The following MINDY4 variants were observed in gnomAD, a reference collection of about 807,000 sequenced individuals.
MINDY4 encodes probable ubiquitin carboxyl-terminal hydrolase MINDY-4.
Under a neutral mutation model 87.0 loss-of-function variants are expected in MINDY4, and 68 were observed. The ratio of observed to expected loss-of-function variants is 0.78; its 90% confidence interval spans 0.64 to 0.96. The LOEUF (loss-of-function observed/expected upper bound fraction) is 0.96, where lower values mean the gene tolerates loss of function less well. Ranked by LOEUF, MINDY4 falls within the 40% of genes least tolerant of loss-of-function variation. The probability of loss-of-function intolerance (pLI) is 0.00; values close to 1 mark genes in which losing one functional copy is unlikely to be tolerated. For missense variants in MINDY4, 919 were observed against 928.2 expected (o/e 0.99, Z 0.13); for synonymous variants, 379 against 363.2 (o/e 1.04, Z -0.50).
rs563801748 is a variant in MINDY4 at position 30,888,099 on chromosome 7, A to G, written c.2226-3858A>G. Among the ~76,000 whole-genome samples, 178 of 152,250 alleles carry G rather than the reference A, an allele frequency of 1.2e-3. 1 individual carries two copies. The highest frequency in any genetic ancestry group is 3.8e-3 in the African/African-American group (156 of 41,538). ...TCTATCAGGCACCTTTTTCCCCATGAAAAACACTGGGTCCATCAACGTTGA... is the reference window on the plus strand; with the variant it reads ...TCTATCAGGCACCTTTTTCCCCATGGAAAACACTGGGTCCATCAACGTTGA... On this transcript the variant is annotated intron_variant, in intron 17 of 17. Transcript: ENST00000265299.
intron 5 of MINDY4, among the ~76,000 whole-genome samples, chr7:30,806,158 A>T (rs1562536875): frequency 1.3e-5 from 2 of 152,188 alleles, no homozygotes; most frequent in Non-Finnish European, 2.9e-5. Context: ...TTGTTCAGTT[A>T]TTGAGATCTG....
intron 11 of MINDY4, among the ~76,000 whole-genome samples, chr7:30,852,718 A>G (rs1789451104): frequency 6.6e-6 from 1 of 152,246 alleles, no homozygotes; most frequent in Non-Finnish European, 1.5e-5. Flanking sequence ...GATCTAAGTC[A>G]TACACAATCG....
intron 5 of MINDY4, among the ~76,000 whole-genome samples, chr7:30,804,701 C>A (rs1746976888): frequency 6.6e-6 from 1 of 152,206 alleles, no homozygotes; most frequent in Non-Finnish European, 1.5e-5. Flanking sequence ...ATCCTGACAG[C>A]AACTTTACAT....
chr7:30,854,231 T>A (rs79987856), intron 12 of MINDY4, among the ~76,000 whole-genome samples: 4,493 of 152,336 alleles, frequency 0.029, 113 homozygotes, highest in East Asian at 0.11. Flanking sequence ...TGAATCCTTC[T>A]GTACCTCACT....
At chr7:30,846,165 T>C (rs77124469) in intron 9 of MINDY4, among the ~76,000 whole-genome samples, 7,960 of 152,190 alleles carry the variant, frequency 0.052, 350 homozygotes, top group East Asian at 0.11. Context: ...TAGCAGAACC[T>C]ATGGTCCTGC....
chr7:30,772,742 G>A (rs1786681952), intron 1 of MINDY4, among the ~76,000 whole-genome samples: 1 of 152,048 alleles, frequency 6.6e-6, no homozygotes, highest in African/African-American at 2.4e-5. Context: ...ATGGCTAATT[G>A]ACCTGCCATC....
At chr7:30,863,086 C>T (rs1789817357) in intron 13 of MINDY4, among the ~76,000 whole-genome samples, 1 of 152,112 alleles carries the variant, frequency 6.6e-6, no homozygotes, top group Non-Finnish European at 1.5e-5. Flanking sequence ...GCTCTGCATA[C>T]ACAGCTTAAA....
At chr7:30,776,443 C>T (rs1348618070) in intron 1 of MINDY4, among the ~76,000 whole-genome samples, 3 of 152,156 alleles carry the variant, frequency 2.0e-5, no homozygotes, top group Admixed American at 6.5e-5. Flanking sequence ...AAAGTAGCAG[C>T]GCATCCCCAC....
intron 13 of MINDY4, among the ~76,000 whole-genome samples, chr7:30,864,472 A>C (rs1789866337): frequency 1.3e-5 from 2 of 152,178 alleles, no homozygotes; most frequent in African/African-American, 2.4e-5. Flanking sequence ...GGATCCAGGA[A>C]CCCAGACATT....
intron 5 of MINDY4, among the ~76,000 whole-genome samples, chr7:30,794,049 A>G (rs538856995): frequency 2.3e-4 from 35 of 152,300 alleles, no homozygotes; most frequent in African/African-American, 8.4e-4. Context: ...TGGCAAATGG[A>G]ATATGGGCTG....
intron 6 of MINDY4, among the ~76,000 whole-genome samples, chr7:30,829,837 G>A (rs1487628568): frequency 6.6e-6 from 1 of 152,214 alleles, no homozygotes; most frequent in Non-Finnish European, 1.5e-5. Flanking sequence ...CACAAGAAAA[G>A]CGGTTCCTGG....
intron 13 of MINDY4, among the ~76,000 whole-genome samples, chr7:30,868,063 G>A (rs1362119928): frequency 6.6e-6 from 1 of 152,224 alleles, no homozygotes; most frequent in Non-Finnish European, 1.5e-5. Flanking sequence ...CTGGGACCTG[G>A]TCTCTAGGCC....
intron 16 of MINDY4, 36 bp from the exon 17 acceptor site, chr7:30,882,885 T>C: frequency 6.2e-7 from 1 of 1,602,324 alleles, no homozygotes; most frequent in Non-Finnish European, 8.5e-7. Context: ...TGCAGGGCCC[T>C]GGGTGACATG....
At chr7:30,840,976 G>C in intron 9 of MINDY4, 128 bp downstream of exon 9, 1 of 798,674 alleles carries the variant, frequency 1.3e-6, no homozygotes. Flanking sequence ...AGAAAGGAGA[G>C]GTTAATGGCA....
chr7:30,872,984 G>A (rs1044886635), intron 14 of MINDY4, among the ~76,000 whole-genome samples: 6 of 152,212 alleles, frequency 3.9e-5, no homozygotes, highest in African/African-American at 1.4e-4. Context: ...CTCAGCACAT[G>A]GGGGGCCACA....
At chr7:30,783,932 A>G (rs916444593) in intron 3 of MINDY4, among the ~76,000 whole-genome samples, 8 of 152,206 alleles carry the variant, frequency 5.3e-5, no homozygotes, top group African/African-American at 1.9e-4. Flanking sequence ...TTGAACCTCT[A>G]TTATCTGGAA....
chr7:30,882,358 A>T lies in MINDY4; in HGVS notation c.2149A>T (p.Ile717Phe). The change falls in exon 16 of 18, where the codon ATT becomes TTT. Residue 717 changes from isoleucine (I) to phenylalanine (F), a missense_variant. Coordinates refer to ENST00000265299, the MANE Select transcript of MINDY4 (RefSeq NM_032222.3). ...CCAGCAGGAGCAGATCCGGCTGACC[A>T]TTGGTGCGGGCCCTCACCCCCCCAC... ...ANQQEQIRLTIDTTQTISEDT... is the reference protein window; with the variant it reads ...ANQQEQIRLTFDTTQTISEDT... 1.3e-6 allele frequency: 2 copies of T among 1,582,460 alleles called. No individual in the cohort carries two copies.
intron 2 of MINDY4, chr7:30,781,705 C>A: frequency 4.8e-6 from 2 of 415,746 alleles, no homozygotes; most frequent in South Asian, 3.5e-5. Context: ...GCCTCTATTC[C>A]TATCACATTT....
chr7:30,887,173 T>C (rs1437869804), intron 17 of MINDY4, among the ~76,000 whole-genome samples: 1 of 152,170 alleles, frequency 6.6e-6, no homozygotes, highest in Non-Finnish European at 1.5e-5. Context: ...TCAGCTTCCA[T>C]GCTGACCATT....
Sources: gnomAD v4.1 joint callset for allele counts (sites outside exome capture counted in the v4.1 genomes callset) on GRCh38, gnomAD v4.1.1 for gene constraint, MANE v1.5 for transcripts, NCBI Gene and HGNC (gene_info 2026-07-23, HGNC 2026-07-21) for gene names.